PLCB1: variants seen among roughly 807,000 people sequenced by gnomAD.
The protein encoded by PLCB1 is 1-phosphatidylinositol 4,5-bisphosphate phosphodiesterase beta-1.
In PLCB1, 46 loss-of-function variants were observed where a neutral mutation model predicts 161.8. The observed-to-expected ratio is 0.28, with a 90% CI of 0.22 to 0.36. PLCB1 has a LOEUF of 0.36. Ranked by LOEUF, PLCB1 falls within the 10% of genes least tolerant of loss-of-function variation. The pLI is 1.00. For synonymous variants in PLCB1, 517 were observed against 503.7 expected, an observed-to-expected ratio of 1.03 and a Z score of -0.35; for missense variants, 1,016 against 1,472.5, an observed-to-expected ratio of 0.69 and a Z score of 5.07.
intron 1 of PLCB1, among the ~76,000 whole-genome samples, chr20:8,146,083 TCTTA>T (rs1301820175): frequency 7.6e-6 from 1 of 132,278 alleles, no homozygotes; most frequent in African/African-American, 2.8e-5. Flanking sequence ...AAAGAAATCT[TCTTA>T]CTGTTTTTGT....
chr20:8,238,478 A>G lies in PLCB1; in HGVS notation c.177+88107A>G, dbSNP rs149141250. ...CCAGGGCTTATCATTCACATAAACT[A>G]CATTATGAACAATGCTGTTTCCATC... On this transcript the variant is annotated intron_variant, in intron 2 of 31. Coordinates refer to ENST00000338037, the MANE Select transcript of PLCB1 (RefSeq NM_015192.4). Among the ~76,000 whole-genome samples, 624 of 152,100 alleles carry G rather than the reference A, an allele frequency of 4.1e-3. 3 individuals carry two copies. Among genetic ancestry groups the G allele is most frequent in the African/African-American group, 0.014 (583 of 41,518 alleles).
chr20:8,621,528 C>T (rs143956736), intron 3 of PLCB1, among the ~76,000 whole-genome samples: 40 of 152,252 alleles, frequency 2.6e-4, no homozygotes, highest in African/African-American at 8.7e-4. Flanking sequence ...CATTTAGCTT[C>T]GACTCTTTGC....
intron 3 of PLCB1, among the ~76,000 whole-genome samples, chr20:8,406,641 C>T (rs535808178): frequency 9.9e-5 from 15 of 152,238 alleles, no homozygotes; most frequent in Non-Finnish European, 1.8e-4. Context: ...TACATAAGAG[C>T]CTGTCGAGCA....
At chr20:8,781,395 C>T (rs1983217777) in intron 27 of PLCB1, among the ~76,000 whole-genome samples, 1 of 149,000 alleles carries the variant, frequency 6.7e-6, no homozygotes, top group Non-Finnish European at 1.5e-5. Flanking sequence ...TTCACACACA[C>T]AAACACACAC....
rs190036977 is a variant in PLCB1, at chr20:8,741,102, G to A, written c.2414-362G>A. 3.2e-3 allele frequency among the ~76,000 whole-genome samples: 492 copies of A among 152,312 alleles called. 3 individuals carry two copies. Among genetic ancestry groups the A allele is most frequent in the Middle Eastern group, 0.027 (8 of 294 alleles). ...TAGGACAATTGGGTGGGCCATTGCCGGAATGGATGGGACCTTCAAAAAGAA... is the reference window on the plus strand; with the variant it reads ...TAGGACAATTGGGTGGGCCATTGCCAGAATGGATGGGACCTTCAAAAAGAA... On this transcript the variant is annotated intron_variant, in intron 22 of 31. Transcript: ENST00000338037.
intron 9 of PLCB1, among the ~76,000 whole-genome samples, chr20:8,673,692 C>T (rs966750536): frequency 2.0e-5 from 3 of 152,150 alleles, no homozygotes; most frequent in Non-Finnish European, 4.4e-5. Flanking sequence ...GTCTATGATA[C>T]AATATCGTTT....
chr20:8,750,888 C>A, intron 23 of PLCB1: 11 of 1,351,812 alleles, frequency 8.1e-6, no homozygotes, highest in Non-Finnish European at 1.1e-5. Context: ...CCATGTGGTG[C>A]CCATCCAAAG....
At chr20:8,526,868 C>T (rs781325954) in intron 3 of PLCB1, among the ~76,000 whole-genome samples, 1 of 152,070 alleles carries the variant, frequency 6.6e-6, no homozygotes, top group Admixed American at 6.6e-5. Flanking sequence ...AAAAACTATG[C>T]CTGGCAATTA....
At chr20:8,730,022 T>C (rs1172703751) in intron 18 of PLCB1, 1 of 152,042 alleles carries the variant, frequency 6.6e-6, no homozygotes, top group South Asian at 2.1e-4. Context: ...AATATGTTTC[T>C]TGGTTTTTGT....
chr20:8,267,395 A>C (rs1982024296), intron 2 of PLCB1, among the ~76,000 whole-genome samples: 2 of 152,122 alleles, frequency 1.3e-5, no homozygotes, highest in African/African-American at 4.8e-5. Context: ...GTTTTCCTCA[A>C]GATGGGACAT....
At chr20:8,525,769 T>C (rs1159724296) in intron 3 of PLCB1, among the ~76,000 whole-genome samples, 2 of 151,156 alleles carry the variant, frequency 1.3e-5, no homozygotes, top group Non-Finnish European at 3.0e-5. Context: ...ATCCAACAAT[T>C]GAAAAAAACA....
intron 3 of PLCB1, among the ~76,000 whole-genome samples, chr20:8,596,141 A>ATTGCTTTTGG (rs1419973361): frequency 4.0e-5 from 6 of 150,772 alleles, no homozygotes; most frequent in African/African-American, 1.5e-4. Context: ...TTTTGTTGCC[A>ATTGCTTTTGG]TTGCTTTTGG....
At chr20:8,626,713 G>T (rs1988360321) in intron 3 of PLCB1, among the ~76,000 whole-genome samples, 1 of 152,128 alleles carries the variant, frequency 6.6e-6, no homozygotes, top group Non-Finnish European at 1.5e-5. Context: ...CAAGTTTCAG[G>T]TGATTTCTGA....
chr20:8,538,948 C>T (rs1018796803), intron 3 of PLCB1, among the ~76,000 whole-genome samples: 2 of 151,932 alleles, frequency 1.3e-5, no homozygotes, highest in Non-Finnish European at 2.9e-5. Context: ...CGCCTGCCAC[C>T]ACGCCAGCTA....
chr20:8,685,041 C>T lies in PLCB1; in HGVS notation c.972C>T (p.His324=), dbSNP rs1289654666. ...AAGACATGTCTCAGCCCCTTTCTCA[C>T]TATTTCATTAATTCCTCGCACAACA... The part of the protein sequence containing the change: ...LNEDMSQPLS[H]YFINSSHNTY... Residue 324 remains histidine (H), a synonymous_variant, in exon 10 of 32, where the codon CAC becomes CAT. Coordinates refer to ENST00000338037, the MANE Select transcript of PLCB1 (RefSeq NM_015192.4). 2 of 1,613,980 alleles carry T rather than the reference C, an allele frequency of 1.2e-6. No homozygotes were observed. Among genetic ancestry groups the T allele is most frequent in the South Asian group, 1.1e-5 (1 of 91,084 alleles).
intron 17 of PLCB1, 89 bp from the exon 18 acceptor site, chr20:8,728,961 A>G (rs765769166): frequency 2.5e-4 from 219 of 876,350 alleles, no homozygotes; most frequent in Non-Finnish European, 3.4e-4. Flanking sequence ...TCATTTTCCA[A>G]ATGGAGAAAG....
chr20:8,666,463 A>G (rs1408434617), intron 9 of PLCB1, among the ~76,000 whole-genome samples: 1 of 152,104 alleles, frequency 6.6e-6, no homozygotes, highest in Non-Finnish European at 1.5e-5. Flanking sequence ...ATTCCTGCCA[A>G]CCTATCACGT....
chr20:8,742,423 A>G (rs1213597396), intron 23 of PLCB1, among the ~76,000 whole-genome samples: 3 of 152,192 alleles, frequency 2.0e-5, no homozygotes, highest in African/African-American at 4.8e-5. Flanking sequence ...ATAGTCTATT[A>G]AAGTTGACAT....
intron 23 of PLCB1, among the ~76,000 whole-genome samples, chr20:8,748,977 G>T (rs1332643406): frequency 6.6e-6 from 1 of 152,150 alleles, no homozygotes; most frequent in Non-Finnish European, 1.5e-5. Context: ...CGTGCATACA[G>T]ATCACTTGAG....
Sources: gnomAD v4.1 joint callset for allele counts (sites outside exome capture counted in the v4.1 genomes callset) on GRCh38, gnomAD v4.1.1 for gene constraint, MANE v1.5 for transcripts, NCBI Gene and HGNC (gene_info 2026-07-23, HGNC 2026-07-21) for gene names.